Variants in NRXN3 observed in about 807,000 individuals in gnomAD.
NRXN3 encodes the protein neurexin 3.
Under a neutral mutation model 137.6 loss-of-function variants are expected in NRXN3, and 32 were observed. The observed-to-expected ratio is 0.23, with a 90% CI of 0.18 to 0.31. The LOEUF (loss-of-function observed/expected upper bound fraction) is 0.31. NRXN3 is among the 10% of genes least tolerant of loss of function. NRXN3 has a pLI of 1.00. For synonymous variants in NRXN3, 798 were observed against 784.5 expected, an observed-to-expected ratio of 1.02 and a Z score of -0.29; for missense variants, 1,574 against 2,062.5, an observed-to-expected ratio of 0.76 and a Z score of 4.59.
At chr14:78,727,218 G>A (rs1479829982) in intron 8 of NRXN3, among the ~76,000 whole-genome samples, 1 of 152,196 alleles carries the variant, frequency 6.6e-6, no homozygotes, top group African/African-American at 2.4e-5. Context: ...GGGGGAAGGT[G>A]GGAGAGGGTT....
chr14:78,856,685 A>G (rs1255070403), intron 10 of NRXN3, among the ~76,000 whole-genome samples: 3 of 152,184 alleles, frequency 2.0e-5, no homozygotes, highest in East Asian at 3.9e-4. Context: ...TGTCTTATGG[A>G]TAGGTAATAT....
chr14:78,358,989 G>A (rs778383875), intron 4 of NRXN3, among the ~76,000 whole-genome samples: 100 of 152,098 alleles, frequency 6.6e-4, no homozygotes, highest in Non-Finnish European at 1.2e-3. Context: ...ATTTATTATA[G>A]GAAGAGATTT....
chr14:79,274,621 GA>G (rs35651800), intron 15 of NRXN3, among the ~76,000 whole-genome samples: 29,322 of 134,404 alleles, frequency 0.22, 3,029 homozygotes, highest in African/African-American at 0.28. Flanking sequence ...GAGTAAAAGA[GA>G]AAAAAAAAAA....
intron 4 of NRXN3, among the ~76,000 whole-genome samples, chr14:78,596,702 T>G (rs536731955): frequency 6.6e-6 from 1 of 152,246 alleles, no homozygotes; most frequent in African/African-American, 2.4e-5. Context: ...AGTGAGACAC[T>G]TGGGAATGAT....
chr14:79,013,575 C>T (rs756060649), intron 15 of NRXN3, among the ~76,000 whole-genome samples: 2 of 152,140 alleles, frequency 1.3e-5, no homozygotes, highest in Non-Finnish European at 2.9e-5. Context: ...TACCAGTCAC[C>T]TTGTTGATTA....
At chr14:78,527,455 A>G (rs575301036) in intron 4 of NRXN3, among the ~76,000 whole-genome samples, 3 of 152,310 alleles carry the variant, frequency 2.0e-5, no homozygotes, top group African/African-American at 4.8e-5. Context: ...TAAACCATTC[A>G]TGAGAACTCC....
chr14:79,657,630 T>C (rs1454258186), intron 16 of NRXN3, among the ~76,000 whole-genome samples: 1 of 152,210 alleles, frequency 6.6e-6, no homozygotes, highest in Non-Finnish European at 1.5e-5. Context: ...ACTAATGATC[T>C]TCACTGAAAG....
At chr14:78,172,714 T>C (rs953157645) in intron 1 of NRXN3, among the ~76,000 whole-genome samples, 6 of 152,166 alleles carry the variant, frequency 3.9e-5, no homozygotes, top group Non-Finnish European at 8.8e-5. Context: ...GCTGGGTTTA[T>C]TTTTTAAAAA....
intron 4 of NRXN3, among the ~76,000 whole-genome samples, chr14:78,540,502 A>T (rs1277496536): frequency 7.4e-6 from 1 of 135,362 alleles, no homozygotes; most frequent in African/African-American, 2.8e-5. Context: ...TTTTGAGCCT[A>T]TATGCATCTT....
intron 1 of NRXN3, among the ~76,000 whole-genome samples, chr14:78,186,120 A>G (rs911471750): frequency 3.3e-5 from 5 of 152,216 alleles, no homozygotes; most frequent in African/African-American, 1.2e-4. Flanking sequence ...CATAGAGCCA[A>G]TTCTAGAATC....
At chr14:78,265,171 G>A (rs191639294) in intron 2 of NRXN3, among the ~76,000 whole-genome samples, 1 of 152,232 alleles carries the variant, frequency 6.6e-6, no homozygotes, top group East Asian at 1.9e-4. Context: ...TTTCTTTATT[G>A]GGAAGTTGTA....
Position 78,968,288 on chromosome 14 carries a change from G to A in NRXN3, c.3084G>A (p.Leu1028=). 1.9e-6 allele frequency: 3 copies of A among 1,614,074 alleles called. No homozygotes were observed. The highest frequency in any genetic ancestry group is 2.5e-6 in the Non-Finnish European group (3 of 1,179,972). Residue 1028 remains leucine, a synonymous_variant, in exon 14 of 21, where the codon CTG becomes CTA. Transcript: ENST00000335750. ...CATCAGTGGACTTGAATGGACGCCT[G>A]CCAGACCTCATCAATGATGCTCTTC... ...CLASVDLNGR[L]PDLINDALHR... is the part of the protein sequence containing the mutation.
rs183170264 is a variant in NRXN3, at chr14:79,709,375, G to A, written c.4014+11438G>A. On this transcript the variant is annotated intron_variant, in intron 19 of 20. Coordinates refer to ENST00000335750, the MANE Select transcript of NRXN3 (RefSeq NM_001330195.2). ...TGAAAGGGTGGATACCCCAACTAAGGATTAGAAGAGAAAACTGTATCCCAT... is the reference window on the plus strand; with the variant it reads ...TGAAAGGGTGGATACCCCAACTAAGAATTAGAAGAGAAAACTGTATCCCAT... Among the ~76,000 whole-genome samples, 131 of 152,222 alleles carry A rather than the reference G, an allele frequency of 8.6e-4. 1 individual carries two copies. Among genetic ancestry groups the A allele is most frequent in the African/African-American group, 3.1e-3 (130 of 41,548 alleles).
chr14:79,361,136 A>G (rs575692285), intron 15 of NRXN3, among the ~76,000 whole-genome samples: 1 of 152,296 alleles, frequency 6.6e-6, no homozygotes, highest in East Asian at 1.9e-4. Flanking sequence ...AAATGAAATC[A>G]TTGGGGCTGA....
chr14:79,777,905 T>C (rs1252652698), intron 19 of NRXN3, among the ~76,000 whole-genome samples: 37 of 152,046 alleles, frequency 2.4e-4, no homozygotes, highest in Admixed American at 2.4e-3. Context: ...TTTAACTATT[T>C]ACTATAGCTA....
chr14:78,357,124 C>T (rs184579198), intron 4 of NRXN3, among the ~76,000 whole-genome samples: 23 of 152,266 alleles, frequency 1.5e-4, no homozygotes, highest in Non-Finnish European at 2.4e-4. Context: ...GACATACCTG[C>T]GACTTGGCAG....
intron 16 of NRXN3, among the ~76,000 whole-genome samples, chr14:79,563,907 G>T (rs950292073): frequency 1.3e-5 from 2 of 151,958 alleles, no homozygotes; most frequent in African/African-American, 4.8e-5. Flanking sequence ...GACTTATCTT[G>T]GTAGGGAGCC....
At chr14:79,512,220 A>C (rs1359678119) in intron 16 of NRXN3, among the ~76,000 whole-genome samples, 1 of 152,202 alleles carries the variant, frequency 6.6e-6, no homozygotes, top group Non-Finnish European at 1.5e-5. Flanking sequence ...AGATGTATCA[A>C]TTGTAGCTTA....
intron 19 of NRXN3, among the ~76,000 whole-genome samples, chr14:79,766,593 G>C (rs2099056778): frequency 6.6e-6 from 1 of 152,232 alleles, no homozygotes; most frequent in African/African-American, 2.4e-5. Context: ...AGTTGAAGCT[G>C]CTTGCTGGCT....
Sources: gnomAD v4.1 joint callset for allele counts (sites outside exome capture counted in the v4.1 genomes callset) on GRCh38, gnomAD v4.1.1 for gene constraint, MANE v1.5 for transcripts, NCBI Gene and HGNC (gene_info 2026-07-23, HGNC 2026-07-21) for gene names.